NFASC: variants seen among roughly 807,000 people sequenced by gnomAD.
NFASC encodes neurofascin.
NFASC carries 43 observed loss-of-function variants against 147.5 expected under a neutral mutation model. The ratio of observed to expected loss-of-function variants is 0.29; its 90% confidence interval spans 0.23 to 0.38. The LOEUF (loss-of-function observed/expected upper bound fraction) is 0.38, where lower values mean the gene tolerates loss of function less well. Among genes scored for constraint, NFASC ranks in the 10% least tolerant of loss-of-function variants. The pLI, the probability that NFASC is intolerant of heterozygous loss-of-function variation, is 1.00. For synonymous variants in NFASC, 622 were observed against 665.5 expected, an observed-to-expected ratio of 0.93 and a Z score of 1.01; for missense variants, 1,320 against 1,689.0, an observed-to-expected ratio of 0.78 and a Z score of 3.83.
At chr1:204,862,343 T>C (rs1283125028) in intron 1 of NFASC, among the ~76,000 whole-genome samples, 1 of 152,228 alleles carries the variant, frequency 6.6e-6, no homozygotes, top group Non-Finnish European at 1.5e-5. Flanking sequence ...TCTGAAATGT[T>C]CTAAGCACTG....
At chr1:204,996,600 G>A (rs767303838) in intron 24 of NFASC, among the ~76,000 whole-genome samples, 3 of 152,230 alleles carry the variant, frequency 2.0e-5, no homozygotes, top group African/African-American at 4.8e-5. Flanking sequence ...AGGCTCACCC[G>A]CGCAGAGTGG....
intron 1 of NFASC, among the ~76,000 whole-genome samples, chr1:204,915,452 G>T (rs899844020): frequency 1.3e-5 from 2 of 152,068 alleles, no homozygotes; most frequent in African/African-American, 4.8e-5. Flanking sequence ...AGACTCTCTG[G>T]GAGGGTATAC....
chr1:204,922,660 G>T (rs183535188), intron 2 of NFASC, among the ~76,000 whole-genome samples: 1 of 152,262 alleles, frequency 6.6e-6, no homozygotes, highest in Non-Finnish European at 1.5e-5. Flanking sequence ...CTGAATTGTA[G>T]ACTGTTTTTC....
intron 27 of NFASC, 48 bp from the exon 28 acceptor site, chr1:205,009,509 C>G (rs1401796962): frequency 6.2e-7 from 1 of 1,603,320 alleles, no homozygotes; most frequent in Non-Finnish European, 8.5e-7. Flanking sequence ...TCCTCACCAT[C>G]TCCCCCATGA....
At chr1:204,907,964 G>C (rs935854023) in intron 1 of NFASC, among the ~76,000 whole-genome samples, 1 of 151,924 alleles carries the variant, frequency 6.6e-6, no homozygotes, top group Non-Finnish European at 1.5e-5. Context: ...GTGTGTGTGT[G>C]TGTATGGGTT....
At chr1:204,870,598 C>T (rs1023852360) in intron 1 of NFASC, 2 of 924,488 alleles carry the variant, frequency 2.2e-6, no homozygotes, top group Non-Finnish European at 2.6e-6. Context: ...CTGTCTATCC[C>T]CTCAGGAGCA....
intron 28 of NFASC, among the ~76,000 whole-genome samples, chr1:205,011,710 G>C (rs143559501): frequency 2.4e-4 from 36 of 152,310 alleles, no homozygotes; most frequent in African/African-American, 8.7e-4. Context: ...AATTAGTTAC[G>C]TGACATGCTC....
chr1:204,893,645 G>A (rs11801738), intron 1 of NFASC, among the ~76,000 whole-genome samples: 5,645 of 152,256 alleles, frequency 0.037, 319 homozygotes, highest in African/African-American at 0.13. Flanking sequence ...CAAAGAAGAC[G>A]CACAATTAAT....
intron 1 of NFASC, among the ~76,000 whole-genome samples, chr1:204,859,294 A>C (rs1204031397): frequency 6.6e-6 from 1 of 152,134 alleles, no homozygotes; most frequent in Non-Finnish European, 1.5e-5. Context: ...CCTCAGAGAG[A>C]TCCCCCAAGC....
chr1:204,954,544 G>C lies in NFASC; in HGVS notation c.412+160G>C, dbSNP rs926675042. ...CACCTCAGAATGATTCCCTGGAAAG[G>C]AAGCTCCCAAAGCTTCCTTTTGAAG... On this transcript the variant is annotated intron_variant, in intron 6 of 29. Transcript: ENST00000339876. The surrounding 1 kb of genome is among the most constrained non-coding windows in gnomAD (Gnocchi z 5.7). 6.6e-6 allele frequency among the ~76,000 whole-genome samples: 1 copy of C among 152,148 alleles called. No individual in the cohort carries two copies. The highest frequency in any genetic ancestry group is 2.4e-5 in the African/African-American group (1 of 41,432).
At position 205,009,588 on chromosome 1, in the gene NFASC, C is replaced by A; in HGVS notation, c.3321C>A (p.Thr1107=). ...AYTNNQADIA[T]QGWFIGLMCA... ...CCAACAACCAAGCGGACATCGCCAC[C>A]CAGGGCTGGTTCATTGGGCTTATGT... Residue 1107 remains threonine (T), a synonymous_variant, in exon 28 of 30, where the codon ACC becomes ACA. Coordinates refer to ENST00000339876, the MANE Select transcript of NFASC (RefSeq NM_001005388.3). 6.2e-7 allele frequency: 1 copy of A among 1,614,176 alleles called. No individual in the cohort carries two copies. Among genetic ancestry groups the A allele is most frequent in the Non-Finnish European group, 8.5e-7 (1 of 1,180,028 alleles).
intron 1 of NFASC, among the ~76,000 whole-genome samples, 197 bp downstream of exon 1, chr1:204,828,979 G>A (rs73075644): frequency 0.3 from 13,758 of 45,302 alleles, 2,604 homozygotes; most frequent in East Asian, 0.79. Context: ...TGCCCACCCC[G>A]TCCCCGTCCA....
intron 1 of NFASC, among the ~76,000 whole-genome samples, chr1:204,886,042 T>C (rs1004612599): frequency 2.0e-5 from 3 of 152,238 alleles, no homozygotes; most frequent in South Asian, 2.1e-4. Flanking sequence ...TCCTCAGGGA[T>C]GGGCAGTCTT....
In NFASC at chr1:204,997,203, C is replaced by T. The variant is rs573424743; in HGVS notation, c.2816C>T (p.Ala939Val). 3.7e-5 allele frequency: 60 copies of T among 1,613,528 alleles called. No individual in the cohort carries two copies. The highest frequency in any genetic ancestry group is 1.3e-4 in the East Asian group (6 of 44,876). The change falls in exon 25 of 30, where the codon GCG becomes GTG. Residue 939 changes from alanine to valine, a missense_variant. Physicochemically the swap from Ala to Val is moderately conservative, Grantham distance 64. This residue lies in a region of NFASC where 981 missense variants were observed against 1,289.5 expected (regional missense o/e 0.76). Coordinates refer to ENST00000339876, the MANE Select transcript of NFASC (RefSeq NM_001005388.3). Reference sequence around the variant, plus strand: ...ACATTGCCCCCGACTACCGTGGGTGCGACGGGCGCTGTGAGCAGTACCGAT... The same window carrying T: ...ACATTGCCCCCGACTACCGTGGGTGTGACGGGCGCTGTGAGCAGTACCGAT... ...PPTLPPTTVG[A>V]TGAVSSTDAT...
At position 204,968,421 on chromosome 1, in the gene NFASC, G is replaced by A. The variant is rs1161488437; in HGVS notation, c.818+61G>A. ...TCCAGGAGGATGGGGATGGGAGCTT[G>A]TTCATGCTCTTGTTAATGCCACATT... On this transcript the variant is annotated intron_variant, in intron 9 of 29. Coordinates refer to ENST00000339876, the MANE Select transcript of NFASC (RefSeq NM_001005388.3). This position sits in a 1 kb window ranked among gnomAD's most constrained non-coding sequence, Gnocchi z 5.4. 3 of 1,269,424 alleles carry A rather than the reference G, an allele frequency of 2.4e-6. No individual in the cohort carries two copies. The highest frequency in any genetic ancestry group is 3.5e-6 in the Non-Finnish European group (3 of 869,130). The allele number at this position is 1,269,424 out of a possible 1,614,324, so 78.6% of individuals were successfully genotyped here. A position where few individuals can be genotyped will look rare whatever the true frequency, so the allele number is the denominator to read the frequency against.
intron 1 of NFASC, among the ~76,000 whole-genome samples, chr1:204,843,161 C>G (rs1156820096): frequency 2.0e-5 from 3 of 152,216 alleles, no homozygotes; most frequent in Non-Finnish European, 1.5e-5. Context: ...CTTTGTTTCT[C>G]AGCAGGCTGG....
Position 204,877,056 on chromosome 1 carries a change from T to A in NFASC, c.-199-43576T>A, listed in dbSNP as rs12041066. On this transcript the variant is annotated intron_variant, in intron 1 of 29. Transcript: ENST00000339876. ...ATATATTTATATATATATAATATAT[T>A]TATTTATATATTTATATATATATAA... Among the ~76,000 whole-genome samples the A allele has an allele frequency of 9.0e-5, 8 of 88,594 alleles. No individual in the cohort carries two copies. In the East Asian group the frequency reaches 4.5e-3, roughly 50 times the overall value. The allele number at this position is 88,594 out of a possible 152,430, so 58.1% of individuals were successfully genotyped here.
chr1:204,942,739 G>T (rs1324724839), intron 2 of NFASC, among the ~76,000 whole-genome samples: 2 of 152,204 alleles, frequency 1.3e-5, no homozygotes, highest in African/African-American at 4.8e-5. Context: ...AAACCACGGT[G>T]GTGGCAGTGG....
At chr1:204,972,174 G>A (rs2095279411) in intron 11 of NFASC, among the ~76,000 whole-genome samples, 1 of 152,304 alleles carries the variant, frequency 6.6e-6, no homozygotes, top group Middle Eastern at 3.4e-3. Flanking sequence ...TATCTGTGGA[G>A]TGGCGCCTGC....
Sources: gnomAD v4.1 joint callset for allele counts (sites outside exome capture counted in the v4.1 genomes callset) on GRCh38, gnomAD v4.1.1 for gene constraint, gnomAD v4.1.1 regional missense constraint, Gnocchi (gnomAD v3.1) non-coding constraint, MANE v1.5 for transcripts, NCBI Gene and HGNC (gene_info 2026-07-23, HGNC 2026-07-21) for gene names.